Variants in GNA12 observed in about 807,000 individuals in gnomAD.
The protein encoded by GNA12 is G protein subunit alpha 12, also known as guanine nucleotide-binding protein subunit alpha-12.
A neutral mutation model predicts 26.0 loss-of-function variants in GNA12; 9 were observed. That is an observed-to-expected ratio of 0.35 (90% CI 0.21 to 0.60). The LOEUF is 0.60. Ranked by LOEUF, GNA12 falls within the 20% of genes least tolerant of loss-of-function variation. GNA12 has a pLI of 0.78. For synonymous variants in GNA12, 264 were observed against 219.6 expected, an observed-to-expected ratio of 1.20 and a Z score of -1.79; for missense variants, 405 against 525.8, an observed-to-expected ratio of 0.77 and a Z score of 2.25.
intron 2 of GNA12, among the ~76,000 whole-genome samples, chr7:2,749,646 G>A (rs1034594525): frequency 5.1e-4 from 77 of 151,712 alleles, no homozygotes; most frequent in African/African-American, 1.8e-3. Context: ...ATGTACCCTA[G>A]AACTTAAAGT....
At position 2,728,429 on chromosome 7, in the gene GNA12, C is replaced by T. The variant is rs575565968; in HGVS notation, c.*2752G>A. Reference sequence around the variant, plus strand: ...ATTACAATAAGAATTCTAGAGATCTCTATAAATTACAGACCTATGACTCAA... The same window carrying T: ...ATTACAATAAGAATTCTAGAGATCTTTATAAATTACAGACCTATGACTCAA... On this transcript the variant is annotated 3_prime_UTR_variant, in exon 4 of 4. Transcript: ENST00000275364. 2.0e-5 allele frequency: 3 copies of T among 152,170 alleles called. No homozygotes were observed. The highest frequency in any genetic ancestry group is 7.3e-5 in the African/African-American group (3 of 41,354). 9.4% of individuals were successfully genotyped at this position (152,170 alleles called of 1,614,324 possible). A position where few individuals can be genotyped will look rare whatever the true frequency, so the allele number is the denominator to read the frequency against.
At chr7:2,832,112 G>A (rs1244596707) in intron 1 of GNA12, among the ~76,000 whole-genome samples, 2 of 152,186 alleles carry the variant, frequency 1.3e-5, no homozygotes, top group Non-Finnish European at 2.9e-5. Flanking sequence ...TTTGGCCCCA[G>A]GACATCGTTA....
intron 1 of GNA12, among the ~76,000 whole-genome samples, chr7:2,801,694 G>GA (rs1792813671): frequency 6.6e-6 from 1 of 151,430 alleles, no homozygotes; most frequent in Non-Finnish European, 1.5e-5. Context: ...TCCTTTGAAG[G>GA]AAAAAAGGCA....
In GNA12 at chr7:2,780,129, A is replaced by T. The variant is rs1372180015; in HGVS notation, c.525+14799T>A. ...CCTTCTAAACAGAAACAGGATATAT[A>T]TTTTGCTACTTACCTCACTTTTTCA... On this transcript the variant is annotated intron_variant, in intron 2 of 3. Transcript: ENST00000275364. 2.8e-5 allele frequency among the ~76,000 whole-genome samples: 4 copies of T among 142,616 alleles called. No homozygotes were observed. The Admixed American group carries it at 2.9e-4, about 10-fold the overall frequency. The allele number at this position is 142,616 out of a possible 152,430, so 93.6% of individuals were successfully genotyped here. A position where few individuals can be genotyped will look rare whatever the true frequency, so the allele number is the denominator to read the frequency against.
intron 1 of GNA12, among the ~76,000 whole-genome samples, chr7:2,824,372 A>G (rs1167381428): frequency 6.6e-6 from 1 of 152,102 alleles, no homozygotes; most frequent in African/African-American, 2.4e-5. Context: ...CTCCCTCACT[A>G]CACAGCCATC....
intron 1 of GNA12, among the ~76,000 whole-genome samples, chr7:2,795,514 C>T (rs1422635510): frequency 2.0e-5 from 3 of 151,686 alleles, no homozygotes; most frequent in East Asian, 3.9e-4. Context: ...TGGTGGCACA[C>T]CTGTAGTCTC....
At chr7:2,756,456 T>A (rs979251385) in intron 2 of GNA12, among the ~76,000 whole-genome samples, 2 of 151,860 alleles carry the variant, frequency 1.3e-5, no homozygotes, top group African/African-American at 2.4e-5. Flanking sequence ...CTGCAAAAAA[T>A]TTTTAAAAAT....
intron 1 of GNA12, among the ~76,000 whole-genome samples, chr7:2,816,552 G>T (rs1793224019): frequency 6.6e-6 from 1 of 152,132 alleles, no homozygotes. Flanking sequence ...TTTTTTAAAT[G>T]ATATATTCAA....
chr7:2,821,534 C>T (rs943748744), intron 1 of GNA12, among the ~76,000 whole-genome samples: 2 of 152,196 alleles, frequency 1.3e-5, no homozygotes, highest in Non-Finnish European at 2.9e-5. Context: ...TATAAGGAAG[C>T]GAGGCTTGCA....
intron 1 of GNA12, among the ~76,000 whole-genome samples, chr7:2,797,005 T>C (rs1169000554): frequency 6.6e-6 from 1 of 152,214 alleles, no homozygotes; most frequent in Non-Finnish European, 1.5e-5. Context: ...TCAAGGGCCC[T>C]GAGAAGGCTA....
At chr7:2,816,007 C>G (rs1294669902) in intron 1 of GNA12, among the ~76,000 whole-genome samples, 1 of 152,256 alleles carries the variant, frequency 6.6e-6, no homozygotes, top group Non-Finnish European at 1.5e-5. Flanking sequence ...ACTGACCCAG[C>G]AACTCTGCGT....
chr7:2,746,119 A>G (rs1583227360), intron 2 of GNA12, among the ~76,000 whole-genome samples: 1 of 152,224 alleles, frequency 6.6e-6, no homozygotes, highest in Admixed American at 6.5e-5. Context: ...AACGAGACAG[A>G]AAGTTAACAA....
chr7:2,781,432 G>A (rs1467940716), intron 2 of GNA12, among the ~76,000 whole-genome samples: 2 of 151,748 alleles, frequency 1.3e-5, no homozygotes, highest in Non-Finnish European at 2.9e-5. Context: ...GTGTGTGTGT[G>A]TGTGTGTGTG....
intron 2 of GNA12, among the ~76,000 whole-genome samples, chr7:2,775,757 A>G (rs1486921718): frequency 2.6e-5 from 4 of 152,220 alleles, no homozygotes; most frequent in Non-Finnish European, 5.9e-5. Flanking sequence ...GAGACCTCAG[A>G]GGCTCATCAG....
chr7:2,744,213 G>C (rs922352223), intron 2 of GNA12, among the ~76,000 whole-genome samples: 4 of 152,246 alleles, frequency 2.6e-5, no homozygotes, highest in Non-Finnish European at 5.9e-5. Context: ...AGAACGGGCA[G>C]ACTGCCTCCT....
intron 2 of GNA12, chr7:2,762,602 A>G: frequency 1.3e-5 from 20 of 1,523,846 alleles, no homozygotes; most frequent in Non-Finnish European, 1.8e-5. Flanking sequence ...CCAAAAAAGG[A>G]CAATCCCCTT....
At chr7:2,801,963 T>C (rs76352351) in intron 1 of GNA12, among the ~76,000 whole-genome samples, 2,010 of 152,270 alleles carry the variant, frequency 0.013, 44 homozygotes, top group African/African-American at 0.045. Context: ...CATTGTTATA[T>C]AGAATTGCTA....
At chr7:2,828,585 G>T (rs1334979444) in intron 1 of GNA12, among the ~76,000 whole-genome samples, 1 of 152,212 alleles carries the variant, frequency 6.6e-6, no homozygotes, top group Non-Finnish European at 1.5e-5. Flanking sequence ...CAAGCTGGCT[G>T]CAGGTGGCTG....
Position 2,784,239 on chromosome 7 carries a change from T to C in GNA12, c.525+10689A>G, listed in dbSNP as rs561959741. On this transcript the variant is annotated intron_variant, in intron 2 of 3. Transcript: ENST00000275364. ...CTCATGGGATCCTCCCACCTCGGCT[T>C]CCCGAGTAGTTGGAACTATAGTCAC... 3.3e-5 allele frequency among the ~76,000 whole-genome samples: 5 copies of C among 152,280 alleles called. No individual in the cohort carries two copies. In the East Asian group the frequency reaches 9.7e-4, roughly 29 times the overall value.
Sources: allele counts gnomAD v4.1 joint callset (sites outside exome capture counted in the v4.1 genomes callset), GRCh38; gene constraint gnomAD v4.1.1; transcripts MANE v1.5; gene names NCBI Gene and HGNC (gene_info 2026-07-23, HGNC 2026-07-21).